Variants in TEKT4 observed in about 807,000 individuals in gnomAD.
TEKT4 encodes the protein tektin 4.
Under a neutral mutation model 46.0 loss-of-function variants are expected in TEKT4, and 46 were observed. The ratio of observed to expected loss-of-function variants is 1.00; its 90% CI spans 0.79 to 1.28. TEKT4 has a LOEUF of 1.28. TEKT4 is among the 50% of genes most tolerant of loss of function. TEKT4 has a pLI of 0.00. For synonymous variants in TEKT4, 325 were observed against 265.8 expected (o/e 1.22, Z -2.17); for missense variants, 790 against 622.9 (o/e 1.27, Z -2.85).
intron 4 of TEKT4, 33 bp from the exon 5 acceptor site, chr2:94,875,555 G>C (rs377708390): frequency 6.2e-7 from 1 of 1,612,952 alleles, no homozygotes; most frequent in South Asian, 1.1e-5. Flanking sequence ...GGGCATGGGG[G>C]CACAGGCCCA....
chr2:94,872,176 C>G, intron 1 of TEKT4, 99 bp downstream of exon 1: 3 of 1,415,358 alleles, frequency 2.1e-6, no homozygotes, highest in South Asian at 1.4e-5. Context: ...GCTGCAAGCA[C>G]GCGGGAGCCC....
chr2:94,873,142 G>C, intron 1 of TEKT4: 1 of 1,225,842 alleles, frequency 8.2e-7, no homozygotes, highest in African/African-American at 1.6e-5. Flanking sequence ...GGGGCAGCCT[G>C]GGCGGGCATC....
chr2:94,875,344 T>A (rs1384529688), intron 4 of TEKT4, among the ~76,000 whole-genome samples: 7 of 152,096 alleles, frequency 4.6e-5, no homozygotes, highest in African/African-American at 1.2e-4. Flanking sequence ...AGGATTCAGG[T>A]CCTGGTGACC....
chr2:94,875,943 G>A (rs1343842257), intron 5 of TEKT4, among the ~76,000 whole-genome samples: 3 of 152,170 alleles, frequency 2.0e-5, no homozygotes, highest in Non-Finnish European at 4.4e-5. Context: ...GTCATGGGTC[G>A]GGGGGCTCCC....
At chr2:94,872,849 G>A (rs1553395064) in intron 1 of TEKT4, 1 of 1,289,122 alleles carries the variant, frequency 7.8e-7, no homozygotes, top group African/African-American at 1.5e-5. Context: ...AGTGCCTCAA[G>A]AACTCCTGCA....
chr2:94,873,875 G>A (rs1294752249), intron 2 of TEKT4, 90 bp from the exon 3 acceptor site: 2 of 1,548,464 alleles, frequency 1.3e-6, no homozygotes, highest in African/African-American at 1.4e-5. Flanking sequence ...CCCTCCTGAG[G>A]CAGGCATTGG....
chr2:94,874,456 G>A (rs1417741425), intron 3 of TEKT4, among the ~76,000 whole-genome samples: 1 of 151,924 alleles, frequency 6.6e-6, no homozygotes, highest in African/African-American at 2.4e-5. Flanking sequence ...TGGGTACTAG[G>A]GAAGGGGGGC....
At position 94,875,991 on chromosome 2, in the gene TEKT4, C is replaced by A. The variant is rs1205127810; in HGVS notation, c.1091+249C>A. Among the ~76,000 whole-genome samples the A allele has an allele frequency of 2.9e-4, 44 of 152,196 alleles. 1 individual carries two copies. The highest frequency in any genetic ancestry group is 2.9e-3 in the Admixed American group (44 of 15,284). On this transcript the variant is annotated intron_variant, in intron 5 of 5. Transcript: ENST00000295201. Reference sequence around the variant, plus strand: ...CTGTGCCCACGTGGTCTCACCCCACCCTATGCTACCTCATCTTCCCGGGAG... The same window carrying A: ...CTGTGCCCACGTGGTCTCACCCCACACTATGCTACCTCATCTTCCCGGGAG...
At position 94,872,042 on chromosome 2, in the gene TEKT4, C is replaced by A; in HGVS notation, c.463C>A (p.Leu155Ile). Residue 155 changes from leucine to isoleucine, a missense_variant, in exon 1 of 6, where the codon CTC (leucine) becomes ATC (isoleucine). By Grantham distance (5) the Leu-to-Ile change is conservative (BLOSUM62 2). Coordinates refer to ENST00000295201, the MANE Select transcript of TEKT4 (RefSeq NM_144705.4). ...CCGTGAGCGCCGCGAGCACCCCAAC[C>A]TCGTGCGCGACCATGTGGAAACGGA... The part of the protein sequence containing the change: ...QCRERREHPN[L>I]VRDHVETELL... 1 of 1,556,844 alleles carries A rather than the reference C, an allele frequency of 6.4e-7. No homozygotes were observed. Among genetic ancestry groups the A allele is most frequent in the East Asian group, 2.4e-5 (1 of 41,520 alleles).
chr2:94,873,058 G>A, intron 1 of TEKT4: 3 of 1,278,224 alleles, frequency 2.3e-6, no homozygotes, highest in Non-Finnish European at 3.1e-6. Context: ...AAACTGGCCA[G>A]GCAATAAGAA....
At chr2:94,872,841 T>C (rs782625217) in intron 1 of TEKT4, 20 of 1,289,238 alleles carry the variant, frequency 1.6e-5, no homozygotes, top group Middle Eastern at 2.1e-4. Flanking sequence ...ACTCTCTCAG[T>C]GCCTCAAGAA....
chr2:94,872,034 A>G lies in TEKT4; in HGVS notation c.455A>G (p.His152Arg). ...CTGCAGTGCCGTGAGCGCCGCGAGC[A>G]CCCCAACCTCGTGCGCGACCATGTG... ...DNLQCRERRE[H>R]PNLVRDHVET... The change falls in exon 1 of 6, where the codon CAC becomes CGC. Residue 152 changes from histidine to arginine, a missense_variant. Physicochemically the swap from His to Arg is conservative, Grantham distance 29 (BLOSUM62 0). Coordinates refer to ENST00000295201, the MANE Select transcript of TEKT4 (RefSeq NM_144705.4). 2 of 1,564,038 alleles carry G rather than the reference A, an allele frequency of 1.3e-6. No individual in the cohort carries two copies. The highest frequency in any genetic ancestry group is 1.7e-6 in the Non-Finnish European group (2 of 1,155,488).
chr2:94,875,124 A>G, intron 4 of TEKT4, 126 bp downstream of exon 4: 2 of 1,029,464 alleles, frequency 1.9e-6, no homozygotes, highest in East Asian at 2.6e-5. Flanking sequence ...CCGTAAACCT[A>G]TGTAAAACCA....
chr2:94,875,773 G>A (rs1553396353), intron 5 of TEKT4, 31 bp downstream of exon 5: 2 of 1,606,196 alleles, frequency 1.2e-6, no homozygotes, highest in Non-Finnish European at 1.7e-6. Flanking sequence ...GCAGTCCCAG[G>A]TGGCCCTGTC....
chr2:94,874,520 C>T (rs1680737495), intron 3 of TEKT4, among the ~76,000 whole-genome samples: 1 of 69,450 alleles, frequency 1.4e-5, no homozygotes, highest in Non-Finnish European at 2.7e-5. Context: ...GTGCTGGGAA[C>T]GGGGTCGCGG....
intron 5 of TEKT4, among the ~76,000 whole-genome samples, chr2:94,876,191 G>C (rs1363151698): frequency 6.6e-6 from 1 of 152,178 alleles, no homozygotes; most frequent in Non-Finnish European, 1.5e-5. Context: ...ACGGATGCCC[G>C]GTGGCCCCTT....
At chr2:94,875,828 G>A (rs112930067) in intron 5 of TEKT4, 86 bp downstream of exon 5, 18 of 1,367,008 alleles carry the variant, frequency 1.3e-5, no homozygotes, top group African/African-American at 2.9e-5. Context: ...CCAACACCCC[G>A]CACACACATC....
At chr2:94,876,523 C>A in intron 5 of TEKT4, 30 bp from the exon 6 acceptor site, 1 of 1,574,650 alleles carries the variant, frequency 6.4e-7, no homozygotes. Context: ...CCCTCCCTAG[C>A]CCCGGCTCAC....
chr2:94,874,223 G>A (rs1319572945), intron 3 of TEKT4, 115 bp downstream of exon 3: 14 of 1,157,996 alleles, frequency 1.2e-5, no homozygotes, highest in Admixed American at 7.1e-5. Context: ...CGCCCCCGAG[G>A]GCACTTGGGC....
Sources: allele counts gnomAD v4.1 joint callset (sites outside exome capture counted in the v4.1 genomes callset), GRCh38; gene constraint gnomAD v4.1.1; transcripts MANE v1.5; gene names NCBI Gene and HGNC (gene_info 2026-07-23, HGNC 2026-07-21).